ABTB3: variants seen among roughly 807,000 people sequenced by gnomAD.
The protein encoded by ABTB3 is ankyrin repeat- and BTB/POZ domain-containing protein 3.
At chr12:107,589,050 TG>T in the ABTB3 span, among the ~76,000 whole-genome samples, 1 of 152,336 alleles carries the variant, frequency 6.6e-6, no homozygotes, top group Non-Finnish European at 1.5e-5. Flanking sequence ...CTCACCTCTC[TG>T]GGCCTCAATT....
the ABTB3 span, among the ~76,000 whole-genome samples, chr12:107,587,543 G>A: frequency 6.6e-6 from 1 of 152,112 alleles, no homozygotes; most frequent in African/African-American, 2.4e-5. Flanking sequence ...GTGTTTAATG[G>A]GTTCAGAGTT....
the ABTB3 span, among the ~76,000 whole-genome samples, chr12:107,354,252 C>T: frequency 2.6e-5 from 4 of 152,148 alleles, no homozygotes; most frequent in Non-Finnish European, 5.9e-5. Context: ...ACATACCATA[C>T]AGTTCACCTA....
At chr12:107,488,653 C>T in the ABTB3 span, among the ~76,000 whole-genome samples, 1 of 149,666 alleles carries the variant, frequency 6.7e-6, no homozygotes, top group African/African-American at 2.5e-5. Flanking sequence ...TTAAAAATTG[C>T]AATTATATGT....
chr12:107,525,023 G>T, the ABTB3 span, among the ~76,000 whole-genome samples: 1 of 152,092 alleles, frequency 6.6e-6, no homozygotes, highest in Admixed American at 6.5e-5. Context: ...TATGATGGTG[G>T]TCCCATAAGA....
the ABTB3 span, among the ~76,000 whole-genome samples, chr12:107,394,858 G>A: frequency 6.6e-6 from 1 of 152,240 alleles, no homozygotes; most frequent in South Asian, 2.1e-4. Context: ...CAGGCCAGGG[G>A]ATTCCCTCAG....
the ABTB3 span, among the ~76,000 whole-genome samples, chr12:107,437,914 G>C: frequency 6.6e-6 from 1 of 152,128 alleles, no homozygotes; most frequent in African/African-American, 2.4e-5. Flanking sequence ...GGGTATTGGG[G>C]GGTGGGGGTG....
chr12:107,422,907 C>A, the ABTB3 span, among the ~76,000 whole-genome samples: 2 of 152,216 alleles, frequency 1.3e-5, no homozygotes, highest in African/African-American at 4.8e-5. Flanking sequence ...TAGCCCCCAG[C>A]AGCTCTAAGC....
chr12:107,519,172 G>A, the ABTB3 span, among the ~76,000 whole-genome samples: 1 of 152,074 alleles, frequency 6.6e-6, no homozygotes, highest in Admixed American at 6.5e-5. Flanking sequence ...GGGCAGCTGG[G>A]GCAGCTCTAA....
chr12:107,637,228 T>A, the ABTB3 span, among the ~76,000 whole-genome samples: 4 of 152,012 alleles, frequency 2.6e-5, no homozygotes, highest in African/African-American at 9.7e-5. Flanking sequence ...ATGTCTCTAC[T>A]AAAAATACAA....
the ABTB3 span, among the ~76,000 whole-genome samples, chr12:107,648,865 C>T: frequency 8.6e-5 from 13 of 151,848 alleles, no homozygotes; most frequent in East Asian, 2.5e-3. Flanking sequence ...GGGAGAAGAC[C>T]CCGTGATTAT....
the ABTB3 span, among the ~76,000 whole-genome samples, chr12:107,456,131 G>A: frequency 6.6e-6 from 1 of 152,202 alleles, no homozygotes; most frequent in South Asian, 2.1e-4. Context: ...ACTACCGTAA[G>A]CTTTTTCCAT....
the ABTB3 span, among the ~76,000 whole-genome samples, chr12:107,379,426 G>T: frequency 6.6e-6 from 1 of 152,106 alleles, no homozygotes; most frequent in Non-Finnish European, 1.5e-5. Context: ...GAGATCTGAT[G>T]GTTTTATAAA....
the ABTB3 span, among the ~76,000 whole-genome samples, chr12:107,396,442 G>C: frequency 6.6e-6 from 1 of 152,210 alleles, no homozygotes; most frequent in Non-Finnish European, 1.5e-5. Flanking sequence ...TCTTGGAGTT[G>C]TGAAGACTGA....
the ABTB3 span, among the ~76,000 whole-genome samples, chr12:107,628,073 G>A: frequency 6.6e-6 from 1 of 152,128 alleles, no homozygotes; most frequent in Non-Finnish European, 1.5e-5. Flanking sequence ...CTTTCCAGGT[G>A]TGCTCACTCC....
At chr12:107,325,144 T>C in the ABTB3 span, among the ~76,000 whole-genome samples, 4 of 152,374 alleles carry the variant, frequency 2.6e-5, no homozygotes, top group African/African-American at 9.6e-5. Flanking sequence ...GAATAGTCTC[T>C]TTCATTTCAG....
At chr12:107,379,621 C>A in the ABTB3 span, among the ~76,000 whole-genome samples, 15 of 152,084 alleles carry the variant, frequency 9.9e-5, no homozygotes, top group Non-Finnish European at 2.2e-4. Flanking sequence ...GAAAATGGAC[C>A]AATACACCAG....
chr12:107,648,210 G>A, the ABTB3 span, among the ~76,000 whole-genome samples: 1 of 151,984 alleles, frequency 6.6e-6, no homozygotes, highest in African/African-American at 2.4e-5. Context: ...GAGAAACCCC[G>A]TCTCTACTAA....
chr12:107,619,130 T>A, the ABTB3 span, among the ~76,000 whole-genome samples: 1 of 152,338 alleles, frequency 6.6e-6, no homozygotes, highest in Non-Finnish European at 1.5e-5. Flanking sequence ...AATGCTGTTC[T>A]GGAAATGACC....
the ABTB3 span, among the ~76,000 whole-genome samples, chr12:107,472,704 CA>C: frequency 6.6e-6 from 1 of 152,340 alleles, no homozygotes; most frequent in East Asian, 1.9e-4. Context: ...CAAGTGGGAA[CA>C]TCCGCCGTTC....
Sources: gnomAD v4.1 joint callset for allele counts (sites outside exome capture counted in the v4.1 genomes callset) on GRCh38, gnomAD v4.1.1 for gene constraint, MANE v1.5 for transcripts, NCBI Gene and HGNC (gene_info 2026-07-23, HGNC 2026-07-21) for gene names.